Variants in NEDD4L observed in about 807,000 individuals in gnomAD.
NEDD4L encodes the protein NEDD4 like E3 ubiquitin protein ligase.
NEDD4L carries 54 observed loss-of-function variants against 148.9 expected under a neutral mutation model. The ratio of observed to expected loss-of-function variants is 0.36; its 90% CI spans 0.29 to 0.45. NEDD4L has a LOEUF of 0.45. Among genes scored for constraint, NEDD4L ranks in the 20% least tolerant of loss-of-function variants. The pLI, the probability that NEDD4L is intolerant of heterozygous loss-of-function variation, is 1.00. For missense variants in NEDD4L, 856 were observed against 1,233.8 expected, an observed-to-expected ratio of 0.69 and a Z score of 4.59; for synonymous variants, 433 against 440.7, an observed-to-expected ratio of 0.98 and a Z score of 0.22.
chr18:58,250,391 G>A (rs150224233), intron 4 of NEDD4L, among the ~76,000 whole-genome samples: 132 of 152,258 alleles, frequency 8.7e-4, no homozygotes, highest in African/African-American at 2.9e-3. Flanking sequence ...CTCGTGATCT[G>A]CCCGCCTTGG....
intron 19 of NEDD4L, 79 bp from the exon 20 acceptor site, chr18:58,364,189 C>G: frequency 2.4e-6 from 2 of 821,510 alleles, no homozygotes; most frequent in Non-Finnish European, 4.0e-6. Flanking sequence ...TCATGAAATT[C>G]TCTTGAATGT....
In NEDD4L at chr18:58,396,308, T is replaced by G. The variant is rs371429920; in HGVS notation, c.*39T>G. 7.3e-5 allele frequency: 100 copies of G among 1,378,796 alleles called. No individual in the cohort carries two copies. The African/African-American group carries it at 1.4e-3, about 19-fold the overall frequency. 85.4% of individuals were successfully genotyped at this position (1,378,796 alleles called of 1,614,324 possible). On this transcript the variant is annotated 3_prime_UTR_variant, in exon 31 of 31. Coordinates refer to ENST00000400345, the MANE Select transcript of NEDD4L (RefSeq NM_001144967.3). Reference sequence around the variant, plus strand: ...CGGGGGTGGTTGTTCTTCAAGCAAGTTCTGCTTGCACTTTTGCATTTGCCT... The same window carrying G: ...CGGGGGTGGTTGTTCTTCAAGCAAGGTCTGCTTGCACTTTTGCATTTGCCT...
chr18:58,364,656 A>G (rs759438428), intron 20 of NEDD4L, among the ~76,000 whole-genome samples: 26 of 152,214 alleles, frequency 1.7e-4, no homozygotes, highest in Non-Finnish European at 3.2e-4. Context: ...AGCCTATTCA[A>G]TTATGCGCAG....
At chr18:58,061,740 C>T (rs2082345003) in intron 1 of NEDD4L, among the ~76,000 whole-genome samples, 1 of 152,118 alleles carries the variant, frequency 6.6e-6, no homozygotes, top group Non-Finnish European at 1.5e-5. Context: ...AACTTTACTC[C>T]CTGTGCATAT....
In NEDD4L at chr18:58,401,114, A is replaced by C. The variant is rs1255843225; in HGVS notation, c.*4845A>C. On this transcript the variant is annotated 3_prime_UTR_variant, in exon 31 of 31. Coordinates refer to ENST00000400345, the MANE Select transcript of NEDD4L (RefSeq NM_001144967.3). ...ATTTGCTGTCATTTCCTAATTCAGG[A>C]TCTATCATCAAATGAAACATGAAAA... is the stretch of plus-strand genomic sequence containing the variant. The C allele has an allele frequency of 6.6e-6, 1 of 152,174 alleles. No homozygotes were observed. The highest frequency in any genetic ancestry group is 2.4e-5 in the African/African-American group (1 of 41,430). 9.4% of individuals were successfully genotyped at this position (152,174 alleles called of 1,614,324 possible).
intron 1 of NEDD4L, among the ~76,000 whole-genome samples, chr18:58,107,959 A>G (rs112037691): frequency 4.6e-4 from 70 of 152,194 alleles, no homozygotes; most frequent in African/African-American, 1.5e-3. Flanking sequence ...GGCTCAAGCA[A>G]TCCTCCTGCC....
chr18:58,264,288 G>A (rs913105641), intron 5 of NEDD4L, among the ~76,000 whole-genome samples: 2 of 152,160 alleles, frequency 1.3e-5, no homozygotes, highest in East Asian at 1.9e-4. Flanking sequence ...TGTGCCTCCG[G>A]CCTGCTTGCA....
At chr18:58,327,130 C>T (rs1204544487) in intron 9 of NEDD4L, among the ~76,000 whole-genome samples, 1 of 152,178 alleles carries the variant, frequency 6.6e-6, no homozygotes, top group Non-Finnish European at 1.5e-5. Flanking sequence ...TTGTTTGAGA[C>T]AGAGTCTCAC....
intron 1 of NEDD4L, among the ~76,000 whole-genome samples, chr18:58,160,561 A>C (rs745483159): frequency 6.6e-6 from 1 of 152,226 alleles, no homozygotes. Flanking sequence ...AAGCAAAGCC[A>C]CCTTAGCTAA....
chr18:58,086,453 T>G (rs2083763414), intron 1 of NEDD4L, among the ~76,000 whole-genome samples: 1 of 152,204 alleles, frequency 6.6e-6, no homozygotes, highest in Non-Finnish European at 1.5e-5. Context: ...GTTTTTATGA[T>G]GTACATTCTC....
At chr18:58,359,273 GT>G (rs905345489) in intron 19 of NEDD4L, among the ~76,000 whole-genome samples, 1 of 151,942 alleles carries the variant, frequency 6.6e-6, no homozygotes, top group African/African-American at 2.4e-5. Context: ...CTTGCCTTTT[GT>G]TCAATTGATA....
At chr18:58,381,670 G>A (rs534485534) in intron 24 of NEDD4L, among the ~76,000 whole-genome samples, 1 of 152,250 alleles carries the variant, frequency 6.6e-6, no homozygotes, top group Admixed American at 6.5e-5. Context: ...AACTCTTACC[G>A]AAGGAACAAC....
chr18:58,202,980 T>C (rs560760495), intron 2 of NEDD4L, among the ~76,000 whole-genome samples: 1 of 152,258 alleles, frequency 6.6e-6, no homozygotes, highest in South Asian at 2.1e-4. Context: ...TACTTTTTTT[T>C]TTTAAGAGAC....
chr18:58,270,711 T>C (rs918778258), intron 5 of NEDD4L, among the ~76,000 whole-genome samples: 43 of 152,168 alleles, frequency 2.8e-4, no homozygotes, highest in African/African-American at 1.0e-3. Flanking sequence ...CTGCTTATTG[T>C]TTCTTTCTGA....
At chr18:58,105,091 A>G (rs185909259) in intron 1 of NEDD4L, among the ~76,000 whole-genome samples, 2 of 152,184 alleles carry the variant, frequency 1.3e-5, no homozygotes, top group Non-Finnish European at 2.9e-5. Flanking sequence ...CCTGTAACTT[A>G]TAAGGTATGG....
chr18:58,204,953 C>T (rs76666667), intron 2 of NEDD4L, among the ~76,000 whole-genome samples: 3,203 of 152,228 alleles, frequency 0.021, 121 homozygotes, highest in East Asian at 0.13. Context: ...GGGAGGAACT[C>T]GGCATCAAAC....
chr18:58,221,668 CG>C, intron 2 of NEDD4L: 1 of 985,396 alleles, frequency 1.0e-6, no homozygotes, highest in Non-Finnish European at 1.2e-6. Context: ...GCCAGGGAGC[CG>C]GAGGGTCACC....
chr18:58,297,203 A>G (rs1218689259), intron 5 of NEDD4L, among the ~76,000 whole-genome samples: 1 of 152,226 alleles, frequency 6.6e-6, no homozygotes, highest in Admixed American at 6.5e-5. Flanking sequence ...ATTTTCATGT[A>G]AGGTAACATT....
chr18:58,362,821 G>A (rs1202230288), intron 19 of NEDD4L, among the ~76,000 whole-genome samples: 1 of 152,224 alleles, frequency 6.6e-6, no homozygotes, highest in Non-Finnish European at 1.5e-5. Flanking sequence ...TGTACTGTTG[G>A]TAGAGCAGAA....
Sources: allele counts gnomAD v4.1 joint callset (sites outside exome capture counted in the v4.1 genomes callset), GRCh38; gene constraint gnomAD v4.1.1; transcripts MANE v1.5; gene names NCBI Gene and HGNC (gene_info 2026-07-23, HGNC 2026-07-21).